HSPA9: variants seen among roughly 807,000 people sequenced by gnomAD.
The protein encoded by HSPA9 is stress-70 protein, mitochondrial.
In HSPA9, 28 loss-of-function variants were observed where a neutral mutation model predicts 81.5. The observed-to-expected ratio is 0.34, with a 90% CI of 0.25 to 0.47. The LOEUF (loss-of-function observed/expected upper bound fraction) is 0.47, where lower values mean the gene tolerates loss of function less well. HSPA9 is among the 20% of genes least tolerant of loss of function. The pLI, the probability that HSPA9 is intolerant of heterozygous loss-of-function variation, is 1.00. For synonymous variants in HSPA9, 293 were observed against 290.4 expected (o/e 1.01, Z -0.09); for missense variants, 678 against 838.0 (o/e 0.81, Z 2.36).
chr5:138,570,968 C>G lies in HSPA9; in HGVS notation c.402G>C (p.Gln134His), dbSNP rs776048580. The G allele has an allele frequency of 1.7e-5, 28 of 1,614,028 alleles. No homozygotes were observed. The highest frequency in any genetic ancestry group is 2.3e-5 in the Non-Finnish European group (27 of 1,180,026). The stretch of plus-strand genomic sequence containing the variant: ...CTTTTGCTGTTACTCACATGTCTTT[C>G]TGTACTTCAGGATCATCATATCGCC... Reference protein sequence around the residue: ...IGRRYDDPEVQKDIKNVPFKI... With the variant: ...IGRRYDDPEVHKDIKNVPFKI... The change falls in exon 4 of 17, where the codon CAG becomes CAC. Residue 134 changes from glutamine to histidine, a missense_variant. Transcript: ENST00000297185.
At chr5:138,572,262 G>A (rs1750921961) in intron 3 of HSPA9, among the ~76,000 whole-genome samples, 1 of 152,140 alleles carries the variant, frequency 6.6e-6, no homozygotes, top group African/African-American at 2.4e-5. Context: ...AACTGCTTTG[G>A]TTGCTTAAGA....
Position 138,574,111 on chromosome 5 carries a change from G to C in HSPA9, c.97C>G (p.Leu33Val). The change falls in exon 2 of 17, where the codon CTT (leucine) becomes GTT (valine). Residue 33 changes from leucine (L) to valine (V), a missense_variant. Leu to Val is a conservative substitution (Grantham distance 32, BLOSUM62 1). Coordinates refer to ENST00000297185, the MANE Select transcript of HSPA9 (RefSeq NM_004134.7). ...AARHQDSWNG[L>V]SHEAFRLVSR... Reference sequence around the variant, plus strand: ...ACAAGTCTAAAAGCCTCATGACTAAGGCCATTCCAGCTATCCTAAAAAAGA... The same window carrying C: ...ACAAGTCTAAAAGCCTCATGACTAACGCCATTCCAGCTATCCTAAAAAAGA... The C allele has an allele frequency of 1.9e-6, 3 of 1,613,666 alleles. No individual in the cohort carries two copies. Among genetic ancestry groups the C allele is most frequent in the Non-Finnish European group, 2.5e-6 (3 of 1,179,680 alleles).
intron 13 of HSPA9, 68 bp downstream of exon 13, chr5:138,557,801 T>G: frequency 1.1e-6 from 1 of 926,994 alleles, no homozygotes; most frequent in Non-Finnish European, 1.8e-6. Context: ...GACTCATCAT[T>G]CTAAGAGGGT....
At chr5:138,556,258 G>T in intron 16 of HSPA9, 144 bp from the exon 17 acceptor site, 1 of 1,024,872 alleles carries the variant, frequency 9.8e-7, no homozygotes, top group Non-Finnish European at 1.5e-6. Flanking sequence ...CTACCCTACT[G>T]GTGGTTTCTG....
intron 4 of HSPA9, among the ~76,000 whole-genome samples, chr5:138,570,512 A>G (rs766119626): frequency 1.3e-5 from 2 of 152,160 alleles, no homozygotes; most frequent in African/African-American, 2.4e-5. Context: ...CTTTTGAGAC[A>G]GAGTCTCAGC....
chr5:138,556,631 C>A (rs768082547), intron 15 of HSPA9, 39 bp from the exon 16 acceptor site: 3 of 1,608,904 alleles, frequency 1.9e-6, no homozygotes, highest in Non-Finnish European at 1.7e-6. Context: ...TTTTCCAGGT[C>A]TCCTGTACCA....
At chr5:138,561,890 T>G (rs1455419191) in intron 9 of HSPA9, 101 bp from the exon 10 acceptor site, 2 of 913,998 alleles carry the variant, frequency 2.2e-6, no homozygotes, top group African/African-American at 3.3e-5. Flanking sequence ...ACAGAAGACT[T>G]GCAAAACCAA....
chr5:138,573,345 T>C (rs2127162824), intron 3 of HSPA9, among the ~76,000 whole-genome samples: 1 of 152,268 alleles, frequency 6.6e-6, no homozygotes, highest in South Asian at 2.1e-4. Flanking sequence ...GATCTATAGT[T>C]ATGTTTTTGC....
At position 138,558,592 on chromosome 5, in the gene HSPA9, C is replaced by G. The variant is rs1300610963; in HGVS notation, c.1476G>C (p.Glu492Asp). The change falls in exon 12 of 17, where the codon GAG (glutamate) becomes GAC (aspartate). Residue 492 changes from glutamate to aspartate, a missense_variant. Physicochemically the swap from Glu to Asp is conservative, Grantham distance 45 (BLOSUM62 2). Transcript: ENST00000297185. ...CAAGGAGTTTGTTGTCTCCAGCCAT[C>G]TCTCTTTCACCCTGACACACTTTAA... ...VEIKVCQGER[E>D]MAGDNKLLGQ... 2 of 1,613,764 alleles carry G rather than the reference C, an allele frequency of 1.2e-6. No homozygotes were observed. Among genetic ancestry groups the G allele is most frequent in the South Asian group, 2.2e-5 (2 of 91,082 alleles).
chr5:138,569,043 A>G lies in HSPA9; in HGVS notation c.417T>C (p.Asn139=), dbSNP rs762376241. 2 of 1,613,792 alleles carry G rather than the reference A, an allele frequency of 1.2e-6. No homozygotes were observed. The highest frequency in any genetic ancestry group is 1.1e-5 in the South Asian group (1 of 91,078). ...AGGCACGGACAATTTTAAAGGGAAC[A>G]TTTTTACTGTAAGACACAAAAATTC... ...DDPEVQKDIK[N]VPFKIVRASN... is the part of the protein sequence containing the mutation. Residue 139 remains asparagine (N), a synonymous_variant, in exon 5 of 17, where the codon AAT becomes AAC. Coordinates refer to ENST00000297185, the MANE Select transcript of HSPA9 (RefSeq NM_004134.7).
rs778583393 is a variant in HSPA9, at chr5:138,575,264, G to A, written c.55C>T (p.Arg19Trp). The A allele has an allele frequency of 1.9e-6, 3 of 1,610,374 alleles. No individual in the cohort carries two copies. The highest frequency in any genetic ancestry group is 2.2e-5 in the East Asian group (1 of 44,740). ...AARLVGAAAS[R>W]GPTAARHQDS... ...TGGTGGCGGGCGGCCGTAGGGCCCC[G>A]GGAGGCTGCGGCGCCCACGAGACGG... Residue 19 changes from arginine to tryptophan, a missense_variant, in exon 1 of 17, where the codon CGG (arginine) becomes TGG (tryptophan). Around this residue, in one of 4 missense-constraint regions of HSPA9, gnomAD observed 89 missense variants for 70.4 expected, o/e 1.27. Transcript: ENST00000297185.
intron 5 of HSPA9, among the ~76,000 whole-genome samples, chr5:138,568,532 A>C (rs974831806): frequency 6.6e-6 from 1 of 152,260 alleles, no homozygotes; most frequent in East Asian, 1.9e-4. Flanking sequence ...AAAAAACCCC[A>C]AAAAACAGAA....
intron 10 of HSPA9, 74 bp downstream of exon 10, chr5:138,561,506 T>C: frequency 8.5e-7 from 1 of 1,178,920 alleles, no homozygotes; most frequent in East Asian, 2.4e-5. Flanking sequence ...GGGCCATATA[T>C]TTGTGCCACC....
intron 7 of HSPA9, 116 bp downstream of exon 7, chr5:138,567,334 AAAAAC>A: frequency 9.5e-7 from 1 of 1,047,526 alleles, no homozygotes; most frequent in South Asian, 1.4e-5. Flanking sequence ...TTTGAAATGA[AAAAAC>A]AAAGACAATA....
chr5:138,561,802 T>C lies in HSPA9; in HGVS notation c.973-13A>G. ...AATTGATGTCAGTCTGCAAAGGAAA[T>C]GTTTAATTGCATGTCAGCGAGCAGG... On this transcript the variant is annotated splice_polypyrimidine_tract_variant and intron_variant, in intron 9 of 16. Coordinates refer to ENST00000297185, the MANE Select transcript of HSPA9 (RefSeq NM_004134.7). 2 of 1,591,076 alleles carry C rather than the reference T, an allele frequency of 1.3e-6. No homozygotes were observed. Among genetic ancestry groups the C allele is most frequent in the Non-Finnish European group, 1.7e-6 (2 of 1,159,038 alleles).
In HSPA9 at chr5:138,568,396, G is replaced by T. The variant is rs531272088; in HGVS notation, c.535+529C>A. Among the ~76,000 whole-genome samples, 547 of 151,274 alleles carry T rather than the reference G, an allele frequency of 3.6e-3. 5 individuals carry two copies. Among genetic ancestry groups the T allele is most frequent in the African/African-American group, 0.012 (489 of 41,134 alleles). On this transcript the variant is annotated intron_variant, in intron 5 of 16. Coordinates refer to ENST00000297185, the MANE Select transcript of HSPA9 (RefSeq NM_004134.7). ...CATGCCTGTAATCCCAGCTACGTTG[G>T]GGGGGAGGGAGAGGGCAGGATAATC...
rs999024297 is a variant in HSPA9, at chr5:138,554,865, G to A, written c.*1172C>T. 7 of 152,162 alleles carry A rather than the reference G, an allele frequency of 4.6e-5. No homozygotes were observed. The highest frequency in any genetic ancestry group is 8.8e-5 in the Non-Finnish European group (6 of 68,036). 9.4% of individuals were successfully genotyped at this position (152,162 alleles called of 1,614,324 possible). On this transcript the variant is annotated 3_prime_UTR_variant, in exon 17 of 17. Transcript: ENST00000297185. Reference sequence around the variant, plus strand: ...AATTTGGGACAAGCCAGTACACTGAGGACAGAAAAGCAGAAATAGGGAAAG... The same window carrying A: ...AATTTGGGACAAGCCAGTACACTGAAGACAGAAAAGCAGAAATAGGGAAAG...
In HSPA9 at chr5:138,555,642, A is replaced by G. The variant is rs577627547; in HGVS notation, c.*395T>C. The G allele has an allele frequency of 2.2e-5, 7 of 315,916 alleles. No homozygotes were observed. Among genetic ancestry groups the G allele is most frequent in the Non-Finnish European group, 3.7e-5 (6 of 163,792 alleles). The allele number at this position is 315,916 out of a possible 1,614,324, so 19.6% of individuals were successfully genotyped here. On this transcript the variant is annotated 3_prime_UTR_variant, in exon 17 of 17. Transcript: ENST00000297185. The stretch of plus-strand genomic sequence containing the variant: ...CCAGTACAGCAGTACTAGGCTAACT[A>G]GAAGGATCTCATCCCCATATGTGGT...
chr5:138,567,767 A>G (rs1422166498), intron 5 of HSPA9, 45 bp from the exon 6 acceptor site: 1 of 1,379,804 alleles, frequency 7.2e-7, no homozygotes, highest in East Asian at 2.3e-5. Flanking sequence ...TCAGAACAGA[A>G]TTATTAATAT....
Sources: allele counts gnomAD v4.1 joint callset (sites outside exome capture counted in the v4.1 genomes callset), GRCh38; gene constraint gnomAD v4.1.1; regional missense constraint gnomAD v4.1.1; transcripts MANE v1.5; gene names NCBI Gene and HGNC (gene_info 2026-07-23, HGNC 2026-07-21).